The following SGIP1 variants were observed in gnomAD, a reference collection of about 807,000 sequenced individuals.
The protein encoded by SGIP1 is SH3GL interacting endocytic adaptor 1, also known as SH3-containing GRB2-like protein 3-interacting protein 1.
In SGIP1, 38 loss-of-function variants were observed where a neutral mutation model predicts 107.5. That is an observed-to-expected ratio of 0.35 (90% CI 0.27 to 0.46). SGIP1 has a LOEUF of 0.46. Ranked by LOEUF, SGIP1 falls within the 20% of genes least tolerant of loss-of-function variation. SGIP1 has a pLI of 1.00. For missense variants in SGIP1, 929 were observed against 1,019.5 expected (o/e 0.91, Z 1.21); for synonymous variants, 365 against 366.1 (o/e 1.00, Z 0.03).
At chr1:66,713,660 A>G (rs1377653806) in intron 18 of SGIP1, among the ~76,000 whole-genome samples, 2 of 148,388 alleles carry the variant, frequency 1.3e-5, no homozygotes, top group Non-Finnish European at 2.9e-5. Context: ...TAAACTCCAT[A>G]GGGGGAAGGA....
At chr1:66,683,072 T>G (rs903776143) in intron 15 of SGIP1, among the ~76,000 whole-genome samples, 1 of 152,332 alleles carries the variant, frequency 6.6e-6, no homozygotes, top group South Asian at 2.1e-4. Context: ...GGTGATGGAC[T>G]CTATGCCAAT....
intron 18 of SGIP1, among the ~76,000 whole-genome samples, chr1:66,698,493 C>A (rs1214477044): frequency 1.3e-5 from 2 of 151,828 alleles, no homozygotes; most frequent in African/African-American, 2.4e-5. Context: ...ATTTTCCTAC[C>A]ACAGCCTCCC....
rs2094523433 is a variant in SGIP1, at chr1:66,744,198, G to A, written c.*1103G>A. On this transcript the variant is annotated 3_prime_UTR_variant, in exon 25 of 25. Coordinates refer to ENST00000371037, the MANE Select transcript of SGIP1 (RefSeq NM_032291.4). ...ATATCATTTGAGAATGAAAAAATAA[G>A]CTTCATAAATGAAATTCTATTCACA... 1.3e-5 allele frequency: 2 copies of A among 152,096 alleles called. No individual in the cohort carries two copies. Among genetic ancestry groups the A allele is most frequent in the South Asian group, 2.1e-4 (1 of 4,832 alleles). 9.4% of individuals were successfully genotyped at this position (152,096 alleles called of 1,614,324 possible). A position where few individuals can be genotyped will look rare whatever the true frequency, so the allele number is the denominator to read the frequency against.
chr1:66,703,285 G>A (rs1012758687), intron 18 of SGIP1, among the ~76,000 whole-genome samples: 1 of 152,082 alleles, frequency 6.6e-6, no homozygotes, highest in Non-Finnish European at 1.5e-5. Flanking sequence ...TGTAGCAAAG[G>A]CAATGGTAGA....
At chr1:66,707,173 T>C (rs1197265104) in intron 18 of SGIP1, among the ~76,000 whole-genome samples, 2 of 152,152 alleles carry the variant, frequency 1.3e-5, no homozygotes, top group African/African-American at 4.8e-5. Flanking sequence ...TTATGCTCCA[T>C]TGTTTTCACA....
Position 66,614,213 on chromosome 1 carries a change from G to T in SGIP1, c.11-11634G>T, listed in dbSNP as rs1570617760. ...ACATGACTGTTTACTCTAAAATTCT[G>T]AAGGGATGGCTTAATAAATCTGCAA... On this transcript the variant is annotated intron_variant, in intron 1 of 24. Transcript: ENST00000371037. Among the ~76,000 whole-genome samples the T allele has an allele frequency of 2.6e-5, 4 of 152,324 alleles. No homozygotes were observed. The East Asian group carries it at 7.7e-4, about 29-fold the overall frequency.
rs941517840 is a variant in SGIP1, at chr1:66,741,330, A to T, written c.2358A>T (p.Pro786=). 2 of 1,608,182 alleles carry T rather than the reference A, an allele frequency of 1.2e-6. No homozygotes were observed. Among genetic ancestry groups the T allele is most frequent in the African/African-American group, 2.7e-5 (2 of 74,610 alleles). The change falls in exon 24 of 25, where the codon CCA becomes CCT. Residue 786 remains proline (P), a synonymous_variant. Transcript: ENST00000371037. The part of the protein sequence containing the change: ...QLSEGPSKPS[P]LVVQFTSEGS... ...CTGAAGGCCCAAGCAAACCTTCTCC[A>T]TTGGTTGTGCAGTTCACAAGTGAAG...
chr1:66,722,113 C>G (rs1027429700), intron 19 of SGIP1, among the ~76,000 whole-genome samples: 3 of 152,138 alleles, frequency 2.0e-5, no homozygotes, highest in Admixed American at 6.6e-5. Flanking sequence ...TCACTCCACT[C>G]TAGCCACATG....
Position 66,690,305 on chromosome 1 carries a change from C to T in SGIP1, c.1559C>T (p.Thr520Ile). 1 of 1,614,148 alleles carries T rather than the reference C, an allele frequency of 6.2e-7. No individual in the cohort carries two copies. The highest frequency in any genetic ancestry group is 2.2e-5 in the East Asian group (1 of 44,876). ...ACCAATTCCTTGAGCGCAGCCACCA[C>T]TCCCACAGTTGGTAAAAATTCTCTC... ...SSTNSLSAAT[T>I]PTVENEQPSL... The change falls in exon 17 of 25, where the codon ACT (threonine) becomes ATT (isoleucine). Residue 520 changes from threonine (T) to isoleucine (I), a missense_variant. By Grantham distance (89) the Thr-to-Ile change is moderately conservative. Transcript: ENST00000371037.
At chr1:66,592,894 C>CTTTTTTTTTTTTTTT (rs1558004086) in intron 1 of SGIP1, among the ~76,000 whole-genome samples, 2 of 94,134 alleles carry the variant, frequency 2.1e-5, no homozygotes, top group African/African-American at 8.4e-5. Flanking sequence ...CTTTCTTCTT[C>CTTTTTTTTTTTTTTT]TTCTTTTTTT....
At chr1:66,716,796 C>G (rs553822513) in intron 18 of SGIP1, among the ~76,000 whole-genome samples, 2 of 152,170 alleles carry the variant, frequency 1.3e-5, no homozygotes, top group South Asian at 2.1e-4. Context: ...ATTTTAATGA[C>G]TATAAAGACA....
chr1:66,709,874 A>G (rs1547644), intron 18 of SGIP1, among the ~76,000 whole-genome samples: 40,828 of 152,060 alleles, frequency 0.27, 5,693 homozygotes, highest in South Asian at 0.32. Context: ...TCGTAGCATT[A>G]TTATTAATTA....
intron 18 of SGIP1, 70 bp from the exon 19 acceptor site, chr1:66,719,224 G>T: frequency 1.0e-6 from 1 of 1,000,212 alleles, no homozygotes; most frequent in Non-Finnish European, 1.5e-6. Context: ...CCTTTAATGG[G>T]CTTTTAATTT....
intron 18 of SGIP1, among the ~76,000 whole-genome samples, chr1:66,705,563 G>C (rs1018827056): frequency 6.6e-6 from 1 of 152,006 alleles, no homozygotes; most frequent in Non-Finnish European, 1.5e-5. Flanking sequence ...TTTACACACA[G>C]CCCATTTGCT....
intron 7 of SGIP1, among the ~76,000 whole-genome samples, chr1:66,658,370 T>C (rs1294946496): frequency 1.3e-5 from 2 of 152,190 alleles, no homozygotes; most frequent in Non-Finnish European, 2.9e-5. Flanking sequence ...ATTTGCAACA[T>C]GTGTAAGCAC....
chr1:66,542,350 G>A (rs2055177838), intron 1 of SGIP1, among the ~76,000 whole-genome samples: 1 of 152,302 alleles, frequency 6.6e-6, no homozygotes, highest in East Asian at 1.9e-4. Context: ...TGAATGCGGT[G>A]TCTGTCTCAA....
In SGIP1 at chr1:66,537,908, A is replaced by G. The variant is rs537378738; in HGVS notation, c.10+3540A>G. 1.1e-3 allele frequency among the ~76,000 whole-genome samples: 162 copies of G among 152,242 alleles called. 1 individual carries two copies. The highest frequency in any genetic ancestry group is 0.01 in the Middle Eastern group (3 of 294). On this transcript the variant is annotated intron_variant, in intron 1 of 24. Transcript: ENST00000371037. Reference sequence around the variant, plus strand: ...AAGCTCATGTTTTTGACCCTCTAGGAACCTCTTAGTTTTGCTTTGCATCAG... The same window carrying G: ...AAGCTCATGTTTTTGACCCTCTAGGGACCTCTTAGTTTTGCTTTGCATCAG...
In SGIP1 at chr1:66,676,989, C is replaced by T. The variant is rs1553148020; in HGVS notation, c.647-15C>T. Reference sequence around the variant, plus strand: ...TTTTTAACTCACCCTGGGAAATCTTCTTTTTTGTTTCCAGTTCTTTTAGAT... The same window carrying T: ...TTTTTAACTCACCCTGGGAAATCTTTTTTTTTGTTTCCAGTTCTTTTAGAT... On this transcript the variant is annotated splice_polypyrimidine_tract_variant and intron_variant, in intron 12 of 24. Coordinates refer to ENST00000371037, the MANE Select transcript of SGIP1 (RefSeq NM_032291.4). The T allele has an allele frequency of 6.3e-7, 1 of 1,593,308 alleles. No individual in the cohort carries two copies. The highest frequency in any genetic ancestry group is 8.5e-7 in the Non-Finnish European group (1 of 1,173,044).
At chr1:66,588,711 A>C (rs765920089) in intron 1 of SGIP1, among the ~76,000 whole-genome samples, 13 of 142,924 alleles carry the variant, frequency 9.1e-5, no homozygotes, top group Non-Finnish European at 1.8e-4. Flanking sequence ...CTCTAAGTGC[A>C]GTTAACTTTC....
Sources: allele counts gnomAD v4.1 joint callset (sites outside exome capture counted in the v4.1 genomes callset), GRCh38; gene constraint gnomAD v4.1.1; transcripts MANE v1.5; gene names NCBI Gene and HGNC (gene_info 2026-07-23, HGNC 2026-07-21).